THRB: variants seen among roughly 807,000 people sequenced by gnomAD.
The protein encoded by THRB is thyroid hormone receptor beta.
Under a neutral mutation model 47.8 loss-of-function variants are expected in THRB, and 12 were observed. The observed-to-expected ratio is 0.25, with a 90% CI of 0.16 to 0.41. The LOEUF (loss-of-function observed/expected upper bound fraction) is 0.41. Ranked by LOEUF, THRB falls within the 10% of genes least tolerant of loss-of-function variation. The pLI is 1.00. For missense variants in THRB, 348 were observed against 589.2 expected (o/e 0.59, Z 4.24); for synonymous variants, 218 against 212.2 (o/e 1.03, Z -0.24).
At chr3:24,481,365 C>T (rs184635536) in intron 1 of THRB, among the ~76,000 whole-genome samples, 1 of 150,616 alleles carries the variant, frequency 6.6e-6, no homozygotes, top group East Asian at 2.0e-4. Context: ...TCTGAGGACA[C>T]GCGGTTGCTC....
At chr3:24,413,835 T>C (rs566832724) in intron 1 of THRB, among the ~76,000 whole-genome samples, 2 of 151,786 alleles carry the variant, frequency 1.3e-5, no homozygotes, top group Non-Finnish European at 2.9e-5. Flanking sequence ...TATGCAGCCA[T>C]AAAAAAGGAT....
chr3:24,365,349 T>C (rs1039679164), intron 1 of THRB, among the ~76,000 whole-genome samples: 3 of 152,102 alleles, frequency 2.0e-5, no homozygotes, highest in Non-Finnish European at 4.4e-5. Flanking sequence ...AGGGAGGAAA[T>C]GATTCATGCC....
chr3:24,224,946 C>G (rs826225), intron 4 of THRB, among the ~76,000 whole-genome samples: 109,880 of 152,082 alleles, frequency 0.72, 41,141 homozygotes, highest in African/African-American at 0.92. Flanking sequence ...GCATCTCAGC[C>G]TAAATTGCCC....
At chr3:24,170,515 T>C in intron 5 of THRB, among the ~76,000 whole-genome samples, 1 of 152,340 alleles carries the variant, frequency 6.6e-6, no homozygotes, top group East Asian at 1.9e-4. Flanking sequence ...TCCAAACCTC[T>C]ACCAAAAGGT....
chr3:24,233,546 A>AAAGAAAAAGG (rs2048468371), intron 3 of THRB, among the ~76,000 whole-genome samples: 1 of 82,334 alleles, frequency 1.2e-5, no homozygotes, highest in African/African-American at 4.8e-5. Context: ...AAAGAAAGAG[A>AAAGAAAAAGG]AAGAAAGAAA....
At chr3:24,191,419 G>A (rs1216834574) in intron 4 of THRB, among the ~76,000 whole-genome samples, 3 of 151,966 alleles carry the variant, frequency 2.0e-5, no homozygotes, top group Non-Finnish European at 4.4e-5. Flanking sequence ...TCTTTTTAAA[G>A]TGATCATAAT....
At chr3:24,179,320 A>G (rs2041598084) in intron 5 of THRB, among the ~76,000 whole-genome samples, 1 of 152,196 alleles carries the variant, frequency 6.6e-6, no homozygotes, top group African/African-American at 2.4e-5. Context: ...GTGTCCTAAG[A>G]TAATTTCCTT....
chr3:24,277,537 T>G (rs528850810), intron 3 of THRB, among the ~76,000 whole-genome samples: 3 of 152,306 alleles, frequency 2.0e-5, no homozygotes, highest in African/African-American at 7.2e-5. Context: ...ATGCTGCTGG[T>G]TGGGATCCCA....
intron 5 of THRB, 92 bp downstream of exon 5, chr3:24,189,982 G>C (rs2043121320): frequency 1.9e-5 from 24 of 1,276,104 alleles, no homozygotes; most frequent in Non-Finnish European, 2.7e-5. Flanking sequence ...CCATACATTG[G>C]AAGAGAAATG....
At chr3:24,207,500 A>G (rs1001068931) in intron 4 of THRB, among the ~76,000 whole-genome samples, 1 of 152,214 alleles carries the variant, frequency 6.6e-6, no homozygotes, top group African/African-American at 2.4e-5. Context: ...ATATCTCAAA[A>G]TAATAAGAGC....
chr3:24,364,995 A>T (rs1465848966), intron 1 of THRB, among the ~76,000 whole-genome samples: 3 of 152,174 alleles, frequency 2.0e-5, no homozygotes, highest in Admixed American at 1.3e-4. Flanking sequence ...TTATGCACTT[A>T]TATGTTACTT....
At chr3:24,163,108 A>G (rs2039120700) in intron 5 of THRB, among the ~76,000 whole-genome samples, 1 of 152,198 alleles carries the variant, frequency 6.6e-6, no homozygotes, top group Admixed American at 6.5e-5. Context: ...ATTCAACACA[A>G]CAAAAATCAA....
chr3:24,273,799 AC>A (rs2053605411), intron 3 of THRB, among the ~76,000 whole-genome samples: 1 of 119,940 alleles, frequency 8.3e-6, no homozygotes, highest in Non-Finnish European at 1.7e-5. Flanking sequence ...GAACCCCCCC[AC>A]CCCTCAAAAA....
chr3:24,418,380 A>G (rs1174157218), intron 1 of THRB, among the ~76,000 whole-genome samples: 1 of 149,738 alleles, frequency 6.7e-6, no homozygotes, highest in African/African-American at 2.5e-5. Flanking sequence ...AGTTTTGTTT[A>G]TGTAGACCTC....
intron 1 of THRB, among the ~76,000 whole-genome samples, chr3:24,446,462 T>G (rs1294148782): frequency 2.0e-5 from 3 of 151,872 alleles, no homozygotes; most frequent in Non-Finnish European, 4.4e-5. Flanking sequence ...TGGGTTATTG[T>G]CAAAGGAGTT....
chr3:24,484,447 A>G (rs1696968262), intron 1 of THRB, among the ~76,000 whole-genome samples: 1 of 152,132 alleles, frequency 6.6e-6, no homozygotes, highest in African/African-American at 2.4e-5. Flanking sequence ...TATTCTTAAT[A>G]TTTTTATATT....
At chr3:24,205,652 A>G (rs573063249) in intron 4 of THRB, among the ~76,000 whole-genome samples, 79 of 152,358 alleles carry the variant, frequency 5.2e-4, no homozygotes, top group African/African-American at 1.5e-3. Context: ...ACATAACAAT[A>G]TTAACCTTAA....
chr3:24,477,826 C>A (rs978499796), intron 1 of THRB, among the ~76,000 whole-genome samples: 1 of 151,020 alleles, frequency 6.6e-6, no homozygotes, highest in African/African-American at 2.4e-5. Flanking sequence ...ATAACCTACA[C>A]CCGCCCAAAA....
At chr3:24,196,453 GGTCTTA>G (rs1386364799) in intron 4 of THRB, among the ~76,000 whole-genome samples, 1 of 152,158 alleles carries the variant, frequency 6.6e-6, no homozygotes, top group African/African-American at 2.4e-5. Flanking sequence ...TATATAAAAA[GGTCTTA>G]GAACAGTGTC....
Sources: gnomAD v4.1 joint callset for allele counts (sites outside exome capture counted in the v4.1 genomes callset) on GRCh38, gnomAD v4.1.1 for gene constraint, MANE v1.5 for transcripts, NCBI Gene and HGNC (gene_info 2026-07-23, HGNC 2026-07-21) for gene names.